Variants in RNF13 observed in about 807,000 individuals in gnomAD.
The protein encoded by RNF13 is ring finger protein 13, also known as E3 ubiquitin-protein ligase RNF13.
Under a neutral mutation model 37.7 loss-of-function variants are expected in RNF13, and 19 were observed. The ratio of observed to expected loss-of-function variants is 0.50; its 90% CI spans 0.35 to 0.74. The LOEUF is 0.74. RNF13 is among the 30% of genes least tolerant of loss of function. The probability of loss-of-function intolerance (pLI) is 0.01; values close to 1 mark genes in which losing one functional copy is unlikely to be tolerated. For missense variants in RNF13, 375 were observed against 453.0 expected, an observed-to-expected ratio of 0.83 and a Z score of 1.56; for synonymous variants, 144 against 157.8, an observed-to-expected ratio of 0.91 and a Z score of 0.65.
At chr3:149,910,284 T>C (rs921945877) in intron 6 of RNF13, among the ~76,000 whole-genome samples, 20 of 152,308 alleles carry the variant, frequency 1.3e-4, no homozygotes, top group African/African-American at 4.6e-4. Flanking sequence ...GATTTTCTTT[T>C]TTACACTGAT....
intron 8 of RNF13, among the ~76,000 whole-genome samples, chr3:149,926,304 C>T (rs542254744): frequency 8.3e-4 from 126 of 152,194 alleles, no homozygotes; most frequent in South Asian, 5.2e-3. Context: ...CTCCGCCTCC[C>T]GAGTTCACAC....
chr3:149,847,083 A>T (rs1722712969), intron 2 of RNF13, among the ~76,000 whole-genome samples: 1 of 152,198 alleles, frequency 6.6e-6, no homozygotes, highest in African/African-American at 2.4e-5. Flanking sequence ...TATGAAAGTG[A>T]TATGCATTCA....
At chr3:149,951,970 A>G (rs564949841) in intron 8 of RNF13, among the ~76,000 whole-genome samples, 1 of 152,216 alleles carries the variant, frequency 6.6e-6, no homozygotes, top group East Asian at 1.9e-4. Flanking sequence ...CTACCATTTC[A>G]TGGCTTTCAT....
intron 1 of RNF13, among the ~76,000 whole-genome samples, chr3:149,837,554 C>T (rs1036592039): frequency 2.6e-5 from 4 of 152,154 alleles, no homozygotes; most frequent in East Asian, 1.9e-4. Flanking sequence ...GTGAAAGGCA[C>T]GTCTCACATG....
intron 6 of RNF13, among the ~76,000 whole-genome samples, chr3:149,904,254 A>G (rs1484242077): frequency 6.6e-6 from 1 of 152,148 alleles, no homozygotes; most frequent in Non-Finnish European, 1.5e-5. Context: ...GTCTTTTCTA[A>G]ATGTAAAGTA....
At chr3:149,956,830 T>C (rs1721912381) in intron 8 of RNF13, among the ~76,000 whole-genome samples, 1 of 152,160 alleles carries the variant, frequency 6.6e-6, no homozygotes, top group Admixed American at 6.5e-5. Flanking sequence ...TCAGCACTAC[T>C]GACATTTAGA....
intron 7 of RNF13, among the ~76,000 whole-genome samples, chr3:149,912,815 G>A (rs948943248): frequency 6.6e-6 from 1 of 152,048 alleles, no homozygotes; most frequent in Non-Finnish European, 1.5e-5. Flanking sequence ...AGGTCTGCAA[G>A]CTCAAAATTA....
At chr3:149,887,813 G>A (rs1344753041) in intron 4 of RNF13, among the ~76,000 whole-genome samples, 1 of 152,142 alleles carries the variant, frequency 6.6e-6, no homozygotes. Flanking sequence ...TCTTCATTTT[G>A]TTGCTGTTAC....
intron 1 of RNF13, among the ~76,000 whole-genome samples, chr3:149,838,267 A>T (rs1010717458): frequency 2.6e-5 from 4 of 152,012 alleles, no homozygotes; most frequent in African/African-American, 9.7e-5. Flanking sequence ...TTGTTGGTGG[A>T]TCTACTATTC....
At chr3:149,855,255 G>A (rs1274876866) in intron 3 of RNF13, among the ~76,000 whole-genome samples, 5 of 152,156 alleles carry the variant, frequency 3.3e-5, no homozygotes, top group Non-Finnish European at 7.3e-5. Flanking sequence ...GGAAGGTGAG[G>A]TTGCAGTGAG....
intron 3 of RNF13, among the ~76,000 whole-genome samples, chr3:149,859,383 G>T (rs543984481): frequency 6.6e-6 from 1 of 152,238 alleles, no homozygotes; most frequent in African/African-American, 2.4e-5. Flanking sequence ...ATTTCAAAAA[G>T]TAATGGTTGC....
intron 1 of RNF13, among the ~76,000 whole-genome samples, chr3:149,839,741 T>C (rs550513914): frequency 6.6e-6 from 1 of 152,310 alleles, no homozygotes; most frequent in Non-Finnish European, 1.5e-5. Flanking sequence ...CCAGCCATAA[T>C]ACTATCATCA....
At chr3:149,855,524 AATAT>A (rs200195182) in intron 3 of RNF13, among the ~76,000 whole-genome samples, 2 of 151,156 alleles carry the variant, frequency 1.3e-5, no homozygotes, top group African/African-American at 2.4e-5. Flanking sequence ...TGCATTAAAA[AATAT>A]ATATGTATCT....
At chr3:149,949,189 G>T (rs1167289839) in intron 8 of RNF13, among the ~76,000 whole-genome samples, 2 of 151,950 alleles carry the variant, frequency 1.3e-5, no homozygotes, top group Non-Finnish European at 2.9e-5. Context: ...TCACTTACTT[G>T]TAGGTGCTCT....
chr3:149,819,462 C>A (rs1376831947), intron 1 of RNF13, among the ~76,000 whole-genome samples: 1 of 152,124 alleles, frequency 6.6e-6, no homozygotes. Flanking sequence ...TTAATTTATA[C>A]AACAGTCACT....
At chr3:149,906,735 T>G (rs1294818214) in intron 6 of RNF13, among the ~76,000 whole-genome samples, 2 of 148,258 alleles carry the variant, frequency 1.3e-5, no homozygotes. Context: ...CACTGCAGCC[T>G]TGATCTCCGA....
chr3:149,822,512 T>G (rs975500827), intron 1 of RNF13: 13 of 152,264 alleles, frequency 8.5e-5, no homozygotes, highest in African/African-American at 2.9e-4. Flanking sequence ...TTTTTCCATG[T>G]GCAAGCTGAA....
intron 3 of RNF13, among the ~76,000 whole-genome samples, chr3:149,855,389 C>T (rs1723545291): frequency 6.6e-6 from 1 of 151,270 alleles, no homozygotes; most frequent in Admixed American, 6.6e-5. Context: ...GAACTCTTTC[C>T]ACAGCAGCAT....
chr3:149,927,308 T>C (rs1398108183), intron 8 of RNF13, among the ~76,000 whole-genome samples: 1 of 152,262 alleles, frequency 6.6e-6, no homozygotes, highest in Non-Finnish European at 1.5e-5. Context: ...TTGTAGCATA[T>C]ATCAGAATGT....
Sources: allele counts gnomAD v4.1 joint callset (sites outside exome capture counted in the v4.1 genomes callset), GRCh38; gene constraint gnomAD v4.1.1; transcripts MANE v1.5; gene names NCBI Gene and HGNC (gene_info 2026-07-23, HGNC 2026-07-21).